Variants in COL22A1 observed in about 807,000 individuals in gnomAD.
COL22A1 encodes collagen type XXII alpha 1 chain.
Under a neutral mutation model 248.9 loss-of-function variants are expected in COL22A1, and 221 were observed. The ratio of observed to expected loss-of-function variants is 0.89; its 90% CI spans 0.80 to 0.99. The LOEUF (loss-of-function observed/expected upper bound fraction) is 0.99. Among genes scored for constraint, COL22A1 ranks in the 50% least tolerant of loss-of-function variants. COL22A1 has a pLI of 0.00. For synonymous variants in COL22A1, 891 were observed against 793.4 expected, an observed-to-expected ratio of 1.12 and a Z score of -2.07; for missense variants, 2,240 against 2,179.0, an observed-to-expected ratio of 1.03 and a Z score of -0.56.
rs768111431 is a variant in COL22A1 at position 138,591,420 on chromosome 8, A to G, written c.4693+4T>C. The G allele has an allele frequency of 6.3e-7, 1 of 1,578,710 alleles. No individual in the cohort carries two copies. The highest frequency in any genetic ancestry group is 2.4e-5 in the East Asian group (1 of 42,174). ...TACCCCTGAGACTGCAGAATGAGTC[A>G]TACCTGGGATTCCAGGGGGTCCCAT... is the stretch of plus-strand genomic sequence containing the variant. On this transcript the variant is annotated splice_donor_region_variant and intron_variant, in intron 64 of 64. Coordinates refer to ENST00000303045, the MANE Select transcript of COL22A1 (RefSeq NM_152888.3).
chr8:138,662,729 T>A (rs4549820), intron 42 of COL22A1, among the ~76,000 whole-genome samples: 1 of 151,892 alleles, frequency 6.6e-6, no homozygotes, highest in Non-Finnish European at 1.5e-5. Context: ...TCCTCTCACA[T>A]GACCCCTCCA....
chr8:138,718,651 CA>C (rs1346103818), intron 27 of COL22A1, among the ~76,000 whole-genome samples: 1 of 152,128 alleles, frequency 6.6e-6, no homozygotes, highest in Non-Finnish European at 1.5e-5. Context: ...GATGCTTTGT[CA>C]AAATAAAGTA....
intron 55 of COL22A1, among the ~76,000 whole-genome samples, chr8:138,614,336 C>T (rs1290497898): frequency 6.6e-6 from 1 of 152,198 alleles, no homozygotes; most frequent in Non-Finnish European, 1.5e-5. Flanking sequence ...TAGGACCTGC[C>T]AGCTTGCTAA....
At chr8:138,903,784 G>T (rs1044570246) in intron 1 of COL22A1, among the ~76,000 whole-genome samples, 1 of 152,146 alleles carries the variant, frequency 6.6e-6, no homozygotes, top group Non-Finnish European at 1.5e-5. Flanking sequence ...GCTGGCTTGG[G>T]CCCCACATCC....
At chr8:138,852,700 G>C (rs1424659462) in intron 3 of COL22A1, among the ~76,000 whole-genome samples, 1 of 152,168 alleles carries the variant, frequency 6.6e-6, no homozygotes, top group African/African-American at 2.4e-5. Flanking sequence ...GAAATGCGGG[G>C]GATGAGGAGT....
chr8:138,852,055 G>A (rs954763624), intron 3 of COL22A1, among the ~76,000 whole-genome samples: 1 of 152,094 alleles, frequency 6.6e-6, no homozygotes, highest in Admixed American at 6.6e-5. Context: ...AGGAATTGGG[G>A]GAGTGATGCA....
chr8:138,854,790 G>A (rs995730654), intron 3 of COL22A1, among the ~76,000 whole-genome samples: 1 of 152,002 alleles, frequency 6.6e-6, no homozygotes, highest in African/African-American at 2.4e-5. Flanking sequence ...GGTGGTGATT[G>A]TGATGGTGGT....
At chr8:138,604,882 A>G (rs1429024452) in intron 58 of COL22A1, 113 bp from the exon 59 acceptor site, 2 of 962,554 alleles carry the variant, frequency 2.1e-6, no homozygotes, top group Non-Finnish European at 3.3e-6. Flanking sequence ...AAAGACAACA[A>G]TCGATGGTCT....
At chr8:138,762,287 C>G in intron 17 of COL22A1, 126 bp downstream of exon 17, 1 of 902,372 alleles carries the variant, frequency 1.1e-6, no homozygotes, top group East Asian at 2.5e-5. Context: ...AAGCCTCCTG[C>G]AGCCTCCAGC....
chr8:138,868,226 C>T (rs1334467340), intron 3 of COL22A1, among the ~76,000 whole-genome samples: 1 of 152,182 alleles, frequency 6.6e-6, no homozygotes. Flanking sequence ...ATTCCAATCC[C>T]AGGCCTTCCC....
At chr8:138,743,381 A>G (rs1831841631) in intron 22 of COL22A1, among the ~76,000 whole-genome samples, 1 of 142,256 alleles carries the variant, frequency 7.0e-6, no homozygotes, top group Non-Finnish European at 1.5e-5. Context: ...AGAGTTGATG[A>G]TGGTAGTAGT....
At chr8:138,714,174 C>G (rs1348130483) in intron 30 of COL22A1, among the ~76,000 whole-genome samples, 1 of 152,202 alleles carries the variant, frequency 6.6e-6, no homozygotes, top group Non-Finnish European at 1.5e-5. Context: ...CAATCAGAGT[C>G]AGACCCTGTG....
intron 3 of COL22A1, among the ~76,000 whole-genome samples, chr8:138,864,126 C>T (rs540193534): frequency 2.6e-5 from 4 of 152,008 alleles, no homozygotes; most frequent in Non-Finnish European, 5.9e-5. Context: ...CCATTTGGAC[C>T]CCATGCTCAT....
intron 7 of COL22A1, among the ~76,000 whole-genome samples, chr8:138,820,538 A>G (rs1819028730): frequency 6.6e-6 from 1 of 152,164 alleles, no homozygotes; most frequent in Non-Finnish European, 1.5e-5. Flanking sequence ...AGGAAAGAAC[A>G]TTGATTCAGG....
chr8:138,805,689 T>TTGTGATGGTGTGGGATGGTG lies in COL22A1; in HGVS notation c.1494+2059_1494+2078dup, dbSNP rs1206950164. On this transcript the variant is annotated intron_variant, in intron 10 of 64. Coordinates refer to ENST00000303045, the MANE Select transcript of COL22A1 (RefSeq NM_152888.3). Reference sequence around the variant, plus strand: ...TGTGTCTGTGTGTGATGGTATGTGTTTGTGATGGTGTGGGATGGTGTGTGA... The same window carrying TTGTGATGGTGTGGGATGGTG: ...TGTGTCTGTGTGTGATGGTATGTGTTTGTGATGGTGTGGGATGGTGTGTGATGGTGTGGGATGGTGTGTGA... Among the ~76,000 whole-genome samples the TTGTGATGGTGTGGGATGGTG allele has an allele frequency of 2.4e-3, 294 of 124,340 alleles. 1 individual carries two copies. The highest frequency in any genetic ancestry group is 8.4e-3 in the African/African-American group (274 of 32,734). The allele number at this position is 124,340 out of a possible 152,430, so 81.6% of individuals were successfully genotyped here.
rs950758228 is a variant in COL22A1, at chr8:138,717,216, C to T, written c.2356-347G>A. Among the ~76,000 whole-genome samples, 6 of 152,084 alleles carry T rather than the reference C, an allele frequency of 3.9e-5. 1 individual carries two copies. The South Asian group carries it at 8.3e-4, about 21-fold the overall frequency. On this transcript the variant is annotated intron_variant, in intron 27 of 64. Transcript: ENST00000303045. The stretch of plus-strand genomic sequence containing the variant: ...AGGCTGGAGTGCAGTGGCACCATCT[C>T]GGCTCACTGCAAGCTCTGCCTCCCG...
intron 40 of COL22A1, among the ~76,000 whole-genome samples, chr8:138,677,169 C>T (rs1207898078): frequency 1.3e-5 from 2 of 152,162 alleles, no homozygotes; most frequent in Admixed American, 6.5e-5. Context: ...ACAGTGTGGA[C>T]GTGGGTGTCA....
chr8:138,742,678 G>A (rs530925111), intron 22 of COL22A1, among the ~76,000 whole-genome samples: 13 of 147,482 alleles, frequency 8.8e-5, no homozygotes, highest in Admixed American at 6.1e-4. Flanking sequence ...TAGTGATCAC[G>A]ATGGTGATGG....
At chr8:138,875,018 T>A (rs1211363744) in intron 3 of COL22A1, among the ~76,000 whole-genome samples, 1 of 152,078 alleles carries the variant, frequency 6.6e-6, no homozygotes, top group Non-Finnish European at 1.5e-5. Flanking sequence ...AAAACCTTCA[T>A]CAGAGTCTCT....
Sources: allele counts gnomAD v4.1 joint callset (sites outside exome capture counted in the v4.1 genomes callset), GRCh38; gene constraint gnomAD v4.1.1; transcripts MANE v1.5; gene names NCBI Gene and HGNC (gene_info 2026-07-23, HGNC 2026-07-21).